SLC35F3: variants seen among roughly 807,000 people sequenced by gnomAD.
SLC35F3 encodes solute carrier family 35 member F3, also known as putative thiamine transporter SLC35F3.
SLC35F3 carries 25 observed loss-of-function variants against 49.9 expected under a neutral mutation model. The ratio of observed to expected loss-of-function variants is 0.50; its 90% CI spans 0.37 to 0.70. SLC35F3 has a LOEUF of 0.70. SLC35F3 is among the 30% of genes least tolerant of loss of function. SLC35F3 has a pLI of 0.00. For missense variants in SLC35F3, 525 were observed against 639.8 expected (o/e 0.82, Z 1.94); for synonymous variants, 275 against 265.4 (o/e 1.04, Z -0.35).
intron 3 of SLC35F3, among the ~76,000 whole-genome samples, chr1:234,264,240 G>A (rs745707184): frequency 6.6e-6 from 1 of 152,246 alleles, no homozygotes; most frequent in Non-Finnish European, 1.5e-5. Context: ...CCCACCAGGT[G>A]TGCACAAGGA....
intron 3 of SLC35F3, among the ~76,000 whole-genome samples, chr1:234,278,332 A>C (rs1487696715): frequency 6.6e-6 from 1 of 152,178 alleles, no homozygotes; most frequent in African/African-American, 2.4e-5. Context: ...GCTACCAAAA[A>C]TACAAAAATT....
At chr1:234,107,759 AG>A (rs1021101062) in intron 2 of SLC35F3, among the ~76,000 whole-genome samples, 5 of 152,208 alleles carry the variant, frequency 3.3e-5, no homozygotes, top group Non-Finnish European at 5.9e-5. Flanking sequence ...CAAATGAGAA[AG>A]CATTAAAAGA....
intron 2 of SLC35F3, among the ~76,000 whole-genome samples, chr1:233,964,249 G>A (rs1033882884): frequency 7.9e-5 from 12 of 152,154 alleles, no homozygotes; most frequent in African/African-American, 2.2e-4. Flanking sequence ...AGGAGTAGAC[G>A]GCTAGTTAGT....
intron 2 of SLC35F3, among the ~76,000 whole-genome samples, chr1:234,136,260 GTCTT>G (rs770237099): frequency 8.9e-5 from 13 of 146,080 alleles, no homozygotes; most frequent in Non-Finnish European, 1.5e-4. Context: ...TTCTTTTTCT[GTCTT>G]TCTTTCTCTC....
chr1:234,057,134 C>T (rs989281147), intron 2 of SLC35F3, among the ~76,000 whole-genome samples: 1 of 152,074 alleles, frequency 6.6e-6, no homozygotes, highest in African/African-American at 2.4e-5. Flanking sequence ...ATTGTTTTGG[C>T]TATCCAGGGA....
intron 2 of SLC35F3, among the ~76,000 whole-genome samples, chr1:234,036,590 GACA>G (rs1374140604): frequency 6.6e-6 from 1 of 152,148 alleles, no homozygotes; most frequent in Non-Finnish European, 1.5e-5. Flanking sequence ...CTTCAATTTT[GACA>G]TGTGTCCACT....
intron 2 of SLC35F3, among the ~76,000 whole-genome samples, chr1:233,971,237 C>G (rs1251038853): frequency 1.3e-5 from 2 of 152,174 alleles, no homozygotes; most frequent in South Asian, 2.1e-4. Context: ...AGGGAGAGGC[C>G]CCTTTCCAGA....
intron 4 of SLC35F3, among the ~76,000 whole-genome samples, chr1:234,312,856 T>A (rs916891781): frequency 8.0e-6 from 1 of 124,422 alleles, no homozygotes; most frequent in Non-Finnish European, 1.6e-5. Context: ...TTTTTAGGTT[T>A]TTTTGTTTGT....
rs185476298 is a variant in SLC35F3, at chr1:233,998,515, A to G, written c.283+92757A>G. Among the ~76,000 whole-genome samples the G allele has an allele frequency of 4.6e-5, 7 of 151,386 alleles. No homozygotes were observed. The East Asian group carries it at 1.2e-3, about 25-fold the overall frequency. Reference sequence around the variant, plus strand: ...TGGAGGACTCTTCAGAGGAGATGCTATGCCTGACTAGTGTAGTGATTTTCC... The same window carrying G: ...TGGAGGACTCTTCAGAGGAGATGCTGTGCCTGACTAGTGTAGTGATTTTCC... On this transcript the variant is annotated intron_variant, in intron 2 of 7. Coordinates refer to ENST00000366618, the MANE Select transcript of SLC35F3 (RefSeq NM_173508.4).
chr1:234,319,464 A>G (rs1452174351), intron 6 of SLC35F3, among the ~76,000 whole-genome samples: 1 of 152,148 alleles, frequency 6.6e-6, no homozygotes, highest in African/African-American at 2.4e-5. Context: ...GCACTTTGGG[A>G]GGCCAAGATG....
At chr1:234,266,220 A>ATATT (rs1458334314) in intron 3 of SLC35F3, among the ~76,000 whole-genome samples, 1 of 152,200 alleles carries the variant, frequency 6.6e-6, no homozygotes, top group Non-Finnish European at 1.5e-5. Flanking sequence ...AACAACTTAA[A>ATATT]TATTTTTTAA....
chr1:234,302,825 C>T (rs543165561), intron 3 of SLC35F3, among the ~76,000 whole-genome samples: 2 of 152,148 alleles, frequency 1.3e-5, no homozygotes, highest in Non-Finnish European at 2.9e-5. Flanking sequence ...CACATTTCAG[C>T]TTCAACCACA....
intron 2 of SLC35F3, among the ~76,000 whole-genome samples, chr1:234,195,132 G>A (rs479040): frequency 0.25 from 38,707 of 152,122 alleles, 7,857 homozygotes; most frequent in East Asian, 0.88. Context: ...CAAGTGGAAA[G>A]TAACCCAAGG....
Position 234,323,042 on chromosome 1 carries a change from T to C in SLC35F3, c.1272T>C (p.Asn424=). 6.2e-7 allele frequency: 1 copy of C among 1,614,076 alleles called. No homozygotes were observed. Among genetic ancestry groups the C allele is most frequent in the Non-Finnish European group, 8.5e-7 (1 of 1,180,038 alleles). Residue 424 remains asparagine, a synonymous_variant, in exon 8 of 8, where the codon AAT becomes AAC. Transcript: ENST00000366618. The surrounding 1 kb of genome is among the most constrained non-coding windows in gnomAD (Gnocchi z 4.5). ...ACTACACCAGTCAGATCGTCTTCAA[T>C]GGGGTCCGGGTCATCGCCATCATCA... The part of the protein sequence containing the change: ...IDHYTSQIVF[N]GVRVIAIIII...
rs10645395 is a variant in SLC35F3, at chr1:234,068,823, TTATATATATATA to T, written c.284-162572_284-162561del. Among the ~76,000 whole-genome samples the T allele has an allele frequency of 2.5e-3, 181 of 71,154 alleles. 31 individuals are homozygous for T. Among genetic ancestry groups the T allele is most frequent in the Non-Finnish European group, 1.4e-3 (55 of 40,346 alleles). 46.7% of individuals were successfully genotyped at this position (71,154 alleles called of 152,430 possible). ...GAGTGACAGGATAAGATTTGAGACA[TTATATATATATA>T]TATATATATATATATATATATGGCA... On this transcript the variant is annotated intron_variant, in intron 2 of 7. Coordinates refer to ENST00000366618, the MANE Select transcript of SLC35F3 (RefSeq NM_173508.4).
chr1:234,235,525 G>C (rs1667451453), intron 3 of SLC35F3, among the ~76,000 whole-genome samples: 1 of 152,236 alleles, frequency 6.6e-6, no homozygotes, highest in Non-Finnish European at 1.5e-5. Context: ...CAGGAATGCA[G>C]CTTTTCAGAT....
chr1:234,221,641 T>C (rs529230227), intron 2 of SLC35F3, among the ~76,000 whole-genome samples: 15 of 152,316 alleles, frequency 9.8e-5, no homozygotes, highest in African/African-American at 3.4e-4. Flanking sequence ...AGAGATTTAA[T>C]TCTTAAAAGC....
chr1:234,007,595 A>G (rs995354554), intron 2 of SLC35F3, among the ~76,000 whole-genome samples: 31 of 152,194 alleles, frequency 2.0e-4, no homozygotes, highest in African/African-American at 7.2e-4. Flanking sequence ...TCCTGTGACT[A>G]TTCACTTGTA....
At chr1:234,084,647 C>G (rs1664934224) in intron 2 of SLC35F3, among the ~76,000 whole-genome samples, 1 of 152,096 alleles carries the variant, frequency 6.6e-6, no homozygotes, top group Non-Finnish European at 1.5e-5. Context: ...ATGGAACTGC[C>G]CACTTCCAGA....
Sources: allele counts gnomAD v4.1 joint callset (sites outside exome capture counted in the v4.1 genomes callset), GRCh38; gene constraint gnomAD v4.1.1; non-coding constraint Gnocchi (gnomAD v3.1); transcripts MANE v1.5; gene names NCBI Gene and HGNC (gene_info 2026-07-23, HGNC 2026-07-21).